The following DLG2 variants were observed in gnomAD, a reference collection of about 807,000 sequenced individuals.
DLG2 encodes the protein discs large MAGUK scaffold protein 2.
Under a neutral mutation model 132.5 loss-of-function variants are expected in DLG2, and 45 were observed. The ratio of observed to expected loss-of-function variants is 0.34; its 90% CI spans 0.27 to 0.44. The LOEUF (loss-of-function observed/expected upper bound fraction) is 0.44. Ranked by LOEUF, DLG2 falls within the 20% of genes least tolerant of loss-of-function variation. The pLI, the probability that DLG2 is intolerant of heterozygous loss-of-function variation, is 1.00. For missense variants in DLG2, 1,045 were observed against 1,196.9 expected (o/e 0.87, Z 1.87); for synonymous variants, 424 against 419.6 (o/e 1.01, Z -0.13).
intron 7 of DLG2, among the ~76,000 whole-genome samples, chr11:84,396,915 G>T (rs1278626658): frequency 6.6e-6 from 1 of 152,110 alleles, no homozygotes; most frequent in Non-Finnish European, 1.5e-5. Flanking sequence ...CTTAAGGTTT[G>T]GGACCCAAAG....
intron 16 of DLG2, among the ~76,000 whole-genome samples, chr11:83,870,341 T>C (rs1353598342): frequency 6.6e-6 from 1 of 152,210 alleles, no homozygotes; most frequent in Non-Finnish European, 1.5e-5. Flanking sequence ...TTAGCTCCCA[T>C]TTATAAGTGA....
At chr11:83,783,626 C>T (rs1340215310) in intron 18 of DLG2, among the ~76,000 whole-genome samples, 1 of 152,084 alleles carries the variant, frequency 6.6e-6, no homozygotes, top group Non-Finnish European at 1.5e-5. Flanking sequence ...CCAAGTAGGA[C>T]ACCAGAGATA....
chr11:85,479,735 T>G (rs946469298), intron 3 of DLG2, among the ~76,000 whole-genome samples: 1 of 152,150 alleles, frequency 6.6e-6, no homozygotes, highest in Admixed American at 6.6e-5. Context: ...ATTCTCACAG[T>G]TCTGGAGCTT....
chr11:84,446,697 G>A (rs141099362), intron 7 of DLG2, among the ~76,000 whole-genome samples: 10 of 151,924 alleles, frequency 6.6e-5, no homozygotes, highest in African/African-American at 2.4e-4. Flanking sequence ...GGTGAATAAA[G>A]TTTTTAAAAA....
intron 4 of DLG2, among the ~76,000 whole-genome samples, chr11:85,249,365 G>A (rs1023725305): frequency 1.3e-5 from 2 of 151,790 alleles, no homozygotes; most frequent in African/African-American, 4.8e-5. Flanking sequence ...CTACTATAAT[G>A]TTATAATTTT....
At chr11:85,406,458 C>T (rs962749149) in intron 3 of DLG2, among the ~76,000 whole-genome samples, 6 of 119,522 alleles carry the variant, frequency 5.0e-5, no homozygotes, top group South Asian at 2.8e-4. Flanking sequence ...AAGCATTGAA[C>T]GACCTATCAA....
chr11:83,986,494 A>G (rs1162080195), intron 11 of DLG2, among the ~76,000 whole-genome samples: 1 of 149,642 alleles, frequency 6.7e-6, no homozygotes, highest in Non-Finnish European at 1.5e-5. Context: ...AGTCTTTGCT[A>G]TTGTGAATAG....
intron 18 of DLG2, among the ~76,000 whole-genome samples, chr11:83,754,474 C>T (rs1293030703): frequency 2.6e-5 from 4 of 151,374 alleles, no homozygotes; most frequent in Non-Finnish European, 5.9e-5. Flanking sequence ...AGAAGCAGTG[C>T]ATCATGCTAA....
At chr11:84,992,739 G>T (rs1016933944) in intron 6 of DLG2, among the ~76,000 whole-genome samples, 35 of 152,138 alleles carry the variant, frequency 2.3e-4, no homozygotes, top group Non-Finnish European at 4.7e-4. Flanking sequence ...TTTTGATGGG[G>T]TTGTTTTTTT....
chr11:85,362,892 A>G (rs1389778551), intron 3 of DLG2, among the ~76,000 whole-genome samples: 1 of 152,184 alleles, frequency 6.6e-6, no homozygotes, highest in African/African-American at 2.4e-5. Context: ...CCTTTAATAA[A>G]AGCAAAATTT....
chr11:84,097,353 A>C (rs2097179448), intron 10 of DLG2, among the ~76,000 whole-genome samples: 1 of 152,054 alleles, frequency 6.6e-6, no homozygotes, highest in Non-Finnish European at 1.5e-5. Flanking sequence ...ACCCTTGATA[A>C]TTTATCAGCT....
intron 9 of DLG2, among the ~76,000 whole-genome samples, chr11:84,099,652 G>A (rs2092238902): frequency 1.3e-5 from 2 of 151,346 alleles, no homozygotes; most frequent in Admixed American, 6.6e-5. Flanking sequence ...CAATAGTGCA[G>A]CAGCATGGAA....
chr11:84,814,279 G>T (rs1163051802), intron 6 of DLG2, among the ~76,000 whole-genome samples: 1 of 152,034 alleles, frequency 6.6e-6, no homozygotes, highest in Non-Finnish European at 1.5e-5. Context: ...AGTGTAACTG[G>T]TATGCAATGG....
intron 6 of DLG2, among the ~76,000 whole-genome samples, chr11:84,737,840 A>C (rs1195058530): frequency 6.6e-6 from 1 of 152,112 alleles, no homozygotes; most frequent in East Asian, 1.9e-4. Flanking sequence ...GGGGAAATTC[A>C]GTATGACTTC....
chr11:85,306,709 A>G (rs1011858777), intron 3 of DLG2, among the ~76,000 whole-genome samples: 2 of 152,074 alleles, frequency 1.3e-5, no homozygotes, highest in African/African-American at 2.4e-5. Flanking sequence ...AGTAGCTGGG[A>G]CTACCAGCGC....
In DLG2 at chr11:84,227,893, G is replaced by A. The variant is rs562147675; in HGVS notation, c.573+23345C>T. ...CACACCACTGCACTATAGCCTGGGC[G>A]ACAGAGTGAGACTCCATCTCAAAAA... On this transcript the variant is annotated intron_variant, in intron 8 of 27. Transcript: ENST00000376104. Among the ~76,000 whole-genome samples the A allele has an allele frequency of 2.0e-4, 28 of 137,098 alleles. No individual in the cohort carries two copies. The South Asian group carries it at 2.5e-3, about 12-fold the overall frequency. 89.9% of individuals were successfully genotyped at this position (137,098 alleles called of 152,430 possible). A position where few individuals can be genotyped will look rare whatever the true frequency, so the allele number is the denominator to read the frequency against.
chr11:85,470,357 C>G (rs1597633897), intron 3 of DLG2, among the ~76,000 whole-genome samples: 14 of 151,946 alleles, frequency 9.2e-5, no homozygotes, highest in Admixed American at 9.2e-4. Context: ...TGAGCTAGGC[C>G]ACAAAGGATT....
intron 10 of DLG2, among the ~76,000 whole-genome samples, chr11:84,082,423 A>T (rs1031671431): frequency 6.6e-6 from 1 of 152,198 alleles, no homozygotes; most frequent in African/African-American, 2.4e-5. Context: ...ATTACTTTAT[A>T]ATCAGAGAAA....
At chr11:83,539,709 GTAAA>G (rs144785854) in intron 20 of DLG2, among the ~76,000 whole-genome samples, 6,948 of 151,884 alleles carry the variant, frequency 0.046, 171 homozygotes, top group Middle Eastern at 0.071. Flanking sequence ...AAAGTAGAAT[GTAAA>G]TAAATATCAA....
Sources: gnomAD v4.1 joint callset for allele counts (sites outside exome capture counted in the v4.1 genomes callset) on GRCh38, gnomAD v4.1.1 for gene constraint, MANE v1.5 for transcripts, NCBI Gene and HGNC (gene_info 2026-07-23, HGNC 2026-07-21) for gene names.